The following IQCJ variants were observed in gnomAD, a reference collection of about 807,000 sequenced individuals.
IQCJ encodes IQ domain-containing protein J.
Under a neutral mutation model 11.0 loss-of-function variants are expected in IQCJ, and 9 were observed. The observed-to-expected ratio is 0.82, with a 90% confidence interval of 0.49 to 1.43. IQCJ has a LOEUF of 1.43. IQCJ is among the 40% of genes most tolerant of loss of function. IQCJ has a pLI of 0.00. For synonymous variants in IQCJ, 55 were observed against 51.3 expected (o/e 1.07, Z -0.31); for missense variants, 146 against 133.2 (o/e 1.10, Z -0.47).
At chr3:159,236,316 G>T (rs1334757887) in intron 1 of IQCJ, among the ~76,000 whole-genome samples, 1 of 150,464 alleles carries the variant, frequency 6.6e-6, no homozygotes, top group Non-Finnish European at 1.5e-5. Flanking sequence ...CTTTCCAAAG[G>T]GAGAATACAT....
Position 159,162,077 on chromosome 3 carries a change from G to C in IQCJ, c.10-83766G>C, listed in dbSNP as rs530237231. On this transcript the variant is annotated intron_variant, in intron 1 of 3. Transcript: ENST00000397832. ...TTCCAATTCTGTGAAGAAAGTCATT[G>C]GTACCTTGATGGGGATGGCATTGAA... Among the ~76,000 whole-genome samples the C allele has an allele frequency of 3.1e-4, 47 of 152,280 alleles. No homozygotes were observed. The South Asian group carries it at 8.9e-3, about 29-fold the overall frequency.
intron 1 of IQCJ, among the ~76,000 whole-genome samples, chr3:159,104,885 C>T (rs2108107073): frequency 6.6e-6 from 1 of 152,288 alleles, no homozygotes; most frequent in South Asian, 2.1e-4. Flanking sequence ...TTATTGAAAC[C>T]AAGGTCACAC....
Position 159,263,019 on chromosome 3 carries a change from C to A in IQCJ, c.*288C>A. The A allele has an allele frequency of 9.4e-7, 1 of 1,066,126 alleles. No individual in the cohort carries two copies. Among genetic ancestry groups the A allele is most frequent in the African/African-American group, 1.6e-5 (1 of 60,612 alleles). The allele number at this position is 1,066,126 out of a possible 1,614,324, so 66.0% of individuals were successfully genotyped here. On this transcript the variant is annotated 3_prime_UTR_variant, in exon 4 of 4. Transcript: ENST00000397832. The stretch of plus-strand genomic sequence containing the variant: ...TGTGTGTTTCTTTTATTGTGTGGTG[C>A]TAATATGATAGAAGATAAGATTGGT...
intron 1 of IQCJ, among the ~76,000 whole-genome samples, chr3:159,122,492 T>C (rs1204502756): frequency 1.3e-5 from 2 of 152,190 alleles, no homozygotes; most frequent in African/African-American, 2.4e-5. Context: ...TTTCTTTGTC[T>C]TGGCTGCTGG....
chr3:159,127,089 G>A (rs900407585), intron 1 of IQCJ, among the ~76,000 whole-genome samples: 6 of 152,174 alleles, frequency 3.9e-5, no homozygotes, highest in African/African-American at 1.4e-4. Flanking sequence ...ATGCTGACAG[G>A]TTTCTATTAA....
At chr3:159,120,917 G>A (rs1719331947) in intron 1 of IQCJ, among the ~76,000 whole-genome samples, 1 of 152,146 alleles carries the variant, frequency 6.6e-6, no homozygotes, top group Non-Finnish European at 1.5e-5. Context: ...CCAGATGGCT[G>A]CTCTTTCTCC....
chr3:159,193,054 G>A (rs1723782021), intron 1 of IQCJ, among the ~76,000 whole-genome samples: 3 of 152,098 alleles, frequency 2.0e-5, no homozygotes, highest in African/African-American at 7.2e-5. Flanking sequence ...AACCCAGACG[G>A]TCATCTCTAA....
At chr3:159,178,086 G>T (rs1722884193) in intron 1 of IQCJ, among the ~76,000 whole-genome samples, 1 of 152,142 alleles carries the variant, frequency 6.6e-6, no homozygotes, top group South Asian at 2.1e-4. Flanking sequence ...AATGTTTGCT[G>T]CTTGAAAGCA....
intron 1 of IQCJ, among the ~76,000 whole-genome samples, chr3:159,165,824 T>C (rs934194109): frequency 7.4e-5 from 11 of 149,058 alleles, no homozygotes; most frequent in Non-Finnish European, 1.6e-4. Context: ...AAAGACAGGG[T>C]TTCACCATGT....
intron 1 of IQCJ, among the ~76,000 whole-genome samples, chr3:159,227,826 A>G (rs1268135067): frequency 6.6e-6 from 1 of 152,240 alleles, no homozygotes; most frequent in Non-Finnish European, 1.5e-5. Flanking sequence ...TGGATGTTGC[A>G]GAGAATACAG....
intron 1 of IQCJ, among the ~76,000 whole-genome samples, chr3:159,223,591 C>T (rs947699466): frequency 1.3e-5 from 2 of 152,110 alleles, no homozygotes; most frequent in African/African-American, 4.8e-5. Flanking sequence ...ACCCTGCTGT[C>T]CTGAAATTGA....
Position 159,069,843 on chromosome 3 carries a change from T to TTGTG in IQCJ, c.9+443_9+446dup, listed in dbSNP as rs34425057. 1,463 of 300,520 alleles carry TTGTG rather than the reference T, an allele frequency of 4.9e-3. 9 individuals are homozygous for TTGTG. The highest frequency in any genetic ancestry group is 0.012 in the Admixed American group (328 of 28,480). 18.6% of individuals were successfully genotyped at this position (300,520 alleles called of 1,614,324 possible). A position where few individuals can be genotyped will look rare whatever the true frequency, so the allele number is the denominator to read the frequency against. ...CACTTATTTAAAAAGCCCTCCTTTC[T>TTGTG]TGTGTGTGTGTGTGTGTGTGTGTGT... On this transcript the variant is annotated intron_variant, in intron 1 of 3. Transcript: ENST00000397832.
chr3:159,119,427 T>G (rs1014340181), intron 1 of IQCJ, among the ~76,000 whole-genome samples: 1 of 152,110 alleles, frequency 6.6e-6, no homozygotes, highest in African/African-American at 2.4e-5. Flanking sequence ...GCAGAATGAG[T>G]CTCAGTTTAA....
At chr3:159,207,271 C>T (rs191529527) in intron 1 of IQCJ, among the ~76,000 whole-genome samples, 1 of 152,284 alleles carries the variant, frequency 6.6e-6, no homozygotes, top group East Asian at 1.9e-4. Context: ...CAATTAATTT[C>T]ATAGTTAACA....
At chr3:159,123,914 C>T (rs1407624640) in intron 1 of IQCJ, among the ~76,000 whole-genome samples, 1 of 152,120 alleles carries the variant, frequency 6.6e-6, no homozygotes, top group Non-Finnish European at 1.5e-5. Flanking sequence ...ATGTTTCTCT[C>T]CTTCCTAGGT....
intron 1 of IQCJ, among the ~76,000 whole-genome samples, chr3:159,227,624 A>C (rs1168900022): frequency 6.6e-6 from 1 of 152,174 alleles, no homozygotes; most frequent in African/African-American, 2.4e-5. Context: ...ACTCTCAACA[A>C]ATATTAGCTA....
At chr3:159,190,439 T>TAG (rs1334284300) in intron 1 of IQCJ, among the ~76,000 whole-genome samples, 1 of 152,194 alleles carries the variant, frequency 6.6e-6, no homozygotes, top group Non-Finnish European at 1.5e-5. Context: ...AATGCATTCT[T>TAG]CTCTGGTAAT....
At position 159,227,520 on chromosome 3, in the gene IQCJ, G is replaced by A. The variant is rs1190912372; in HGVS notation, c.10-18323G>A. ...GGTAAATGCTGTAAGTTATTATAAT[G>A]GACTCCAAATGTGACATTATAGATT... On this transcript the variant is annotated intron_variant, in intron 1 of 3. Transcript: ENST00000397832. Among the ~76,000 whole-genome samples, 3 of 152,084 alleles carry A rather than the reference G, an allele frequency of 2.0e-5. No individual in the cohort carries two copies. The East Asian group carries it at 5.8e-4, about 29-fold the overall frequency.
chr3:159,158,279 T>C (rs2108214171), intron 1 of IQCJ, among the ~76,000 whole-genome samples: 1 of 152,314 alleles, frequency 6.6e-6, no homozygotes, highest in South Asian at 2.1e-4. Flanking sequence ...AGAGCCATTG[T>C]ATTAGAGGCC....
Sources: gnomAD v4.1 joint callset for allele counts (sites outside exome capture counted in the v4.1 genomes callset) on GRCh38, gnomAD v4.1.1 for gene constraint, MANE v1.5 for transcripts, NCBI Gene and HGNC (gene_info 2026-07-23, HGNC 2026-07-21) for gene names.